The following CPEB4 variants were observed in gnomAD, a reference collection of about 807,000 sequenced individuals.
CPEB4 encodes the protein cytoplasmic polyadenylation element binding protein 4.
Under a neutral mutation model 72.5 loss-of-function variants are expected in CPEB4, and 12 were observed. The observed-to-expected ratio is 0.17, with a 90% CI of 0.11 to 0.27. The LOEUF is 0.27. CPEB4 is among the 10% of genes least tolerant of loss of function. The pLI, the probability that CPEB4 is intolerant of heterozygous loss-of-function variation, is 1.00. For missense variants in CPEB4, 614 were observed against 908.5 expected (o/e 0.68, Z 4.17); for synonymous variants, 302 against 326.3 (o/e 0.93, Z 0.80).
rs1755759659 is a variant in CPEB4, at chr5:173,890,276, A to G, written c.543A>G (p.Thr181=). Residue 181 remains threonine, a synonymous_variant, in exon 1 of 10, where the codon ACA becomes ACG. Coordinates refer to ENST00000265085, the MANE Select transcript of CPEB4 (RefSeq NM_030627.4). ...WSAAIAPSSS[T]IINEDASFFH... is the part of the protein sequence containing the mutation. ...CAGCGATAGCGCCTTCCTCCTCTAC[A>G]ATAATCAATGAAGATGCAAGTTTCT... 2 of 1,614,060 alleles carry G rather than the reference A, an allele frequency of 1.2e-6. No homozygotes were observed. The highest frequency in any genetic ancestry group is 2.2e-5 in the South Asian group (2 of 91,078).
chr5:173,925,498 A>T (rs1757212360), intron 2 of CPEB4, among the ~76,000 whole-genome samples: 2 of 152,344 alleles, frequency 1.3e-5, no homozygotes, highest in South Asian at 2.1e-4. Context: ...AATACACTAA[A>T]TTATTAAAAA....
chr5:173,953,288 C>T lies in CPEB4; in HGVS notation c.1962+16C>T, dbSNP rs188461025. The T allele has an allele frequency of 1.1e-4, 155 of 1,471,148 alleles. 1 individual carries two copies. The Admixed American group carries it at 3.3e-3, about 31-fold the overall frequency. The allele number at this position is 1,471,148 out of a possible 1,614,324, so 91.1% of individuals were successfully genotyped here. ...AGATAAACGGGTAAGCCTTATACTA[C>T]ATTTTGGAAAATTCTAGAAATGGTC... On this transcript the variant is annotated intron_variant, in intron 9 of 9. Transcript: ENST00000265085.
rs577130144 is a variant in CPEB4 at position 173,955,225 on chromosome 5, C to T, written c.1963-685C>T. 1.3e-5 allele frequency among the ~76,000 whole-genome samples: 2 copies of T among 152,148 alleles called. No individual in the cohort carries two copies. Among genetic ancestry groups the T allele is most frequent in the Non-Finnish European group, 2.9e-5 (2 of 68,020 alleles). On this transcript the variant is annotated intron_variant, in intron 9 of 9. Coordinates refer to ENST00000265085, the MANE Select transcript of CPEB4 (RefSeq NM_030627.4). The surrounding 1 kb of genome is among the most constrained non-coding windows in gnomAD (Gnocchi z 4.7). ...TCACATGACAGGTTGGCCGATAGAACGCTGGAACAGGCCCAGTTTTAGAAA... is the reference window on the plus strand; with the variant it reads ...TCACATGACAGGTTGGCCGATAGAATGCTGGAACAGGCCCAGTTTTAGAAA...
chr5:173,939,753 CTTT>C (rs11292869), intron 3 of CPEB4, among the ~76,000 whole-genome samples: 4 of 144,872 alleles, frequency 2.8e-5, no homozygotes, highest in African/African-American at 2.5e-5. Context: ...TATTTTGAGC[CTTT>C]TTTTTTTTTT....
rs373531422 is a variant in CPEB4, at chr5:173,891,146, T to A, written c.1125+288T>A. On this transcript the variant is annotated intron_variant, in intron 1 of 9. Transcript: ENST00000265085. ...ACTATAATACCTTTCTTGCCTGACA[T>A]GAGAATCAGGGTCAGTTTTTTCCCT... Among the ~76,000 whole-genome samples the A allele has an allele frequency of 5.2e-4, 79 of 150,694 alleles. 1 individual carries two copies. Among genetic ancestry groups the A allele is most frequent in the Middle Eastern group, 6.8e-3 (2 of 294 alleles).
chr5:173,904,464 C>T (rs1384695533), intron 1 of CPEB4, among the ~76,000 whole-genome samples: 1 of 152,146 alleles, frequency 6.6e-6, no homozygotes, highest in Non-Finnish European at 1.5e-5. Context: ...ATTTCTCTTT[C>T]TCTTCTTATG....
chr5:173,928,740 A>G (rs1757337231), intron 2 of CPEB4, among the ~76,000 whole-genome samples: 1 of 152,216 alleles, frequency 6.6e-6, no homozygotes, highest in Non-Finnish European at 1.5e-5. Flanking sequence ...TAGATAACCA[A>G]ATTCCCATGG....
At chr5:173,902,634 C>A (rs1410495981) in intron 1 of CPEB4, among the ~76,000 whole-genome samples, 1 of 152,118 alleles carries the variant, frequency 6.6e-6, no homozygotes, top group Non-Finnish European at 1.5e-5. Context: ...TGATGTAGAT[C>A]TCATTCTCTA....
Position 173,932,508 on chromosome 5 carries a change from A to T in CPEB4, c.1258+8A>T. On this transcript the variant is annotated splice_region_variant and intron_variant, in intron 3 of 9. Transcript: ENST00000265085. ...GCTCTCTGCTTATTAATGGTAAGTG[A>T]TAATTGATTTACCCTAGTGAAGTGC... 1 of 1,608,992 alleles carries T rather than the reference A, an allele frequency of 6.2e-7. No individual in the cohort carries two copies. Among genetic ancestry groups the T allele is most frequent in the Non-Finnish European group, 8.5e-7 (1 of 1,176,182 alleles).
chr5:173,893,533 A>G (rs1015659062), intron 1 of CPEB4, among the ~76,000 whole-genome samples: 10 of 152,150 alleles, frequency 6.6e-5, no homozygotes, highest in Non-Finnish European at 1.5e-4. Flanking sequence ...TTTAATTACT[A>G]TTAAAATAAT....
chr5:173,897,453 A>G (rs1438899341), intron 1 of CPEB4, among the ~76,000 whole-genome samples: 1 of 152,208 alleles, frequency 6.6e-6, no homozygotes, highest in Non-Finnish European at 1.5e-5. Flanking sequence ...TATTTAGCAC[A>G]CATTTATTGG....
Position 173,953,240 on chromosome 5 carries a change from G to A in CPEB4, c.1930G>A (p.Val644Ile). Residue 644 changes from valine (V) to isoleucine (I), a missense_variant, in exon 9 of 10, where the codon GTT (valine) becomes ATT (isoleucine). Coordinates refer to ENST00000265085, the MANE Select transcript of CPEB4 (RefSeq NM_030627.4). ...SYIAAISARF[V>I]QLQHGEIDKR... ...CATAGCTGCTATCAGTGCCCGCTTT[G>A]TTCAGCTGCAGCATGGAGAGATAGA... 1 of 1,608,648 alleles carries A rather than the reference G, an allele frequency of 6.2e-7. No homozygotes were observed.
At chr5:173,948,725 C>G (rs1187441630) in intron 5 of CPEB4, among the ~76,000 whole-genome samples, 4 of 152,072 alleles carry the variant, frequency 2.6e-5, no homozygotes, top group Admixed American at 2.6e-4. Context: ...CTGGGAATTC[C>G]AAGATCAAGG....
chr5:173,926,877 C>T (rs530985885), intron 2 of CPEB4, among the ~76,000 whole-genome samples: 3 of 152,198 alleles, frequency 2.0e-5, no homozygotes, highest in East Asian at 3.9e-4. Context: ...GGCTGGGCAC[C>T]GTGGCTCATG....
In CPEB4 at chr5:173,956,279, C is replaced by T. The variant is rs552152046; in HGVS notation, c.*142C>T. 25 of 631,282 alleles carry T rather than the reference C, an allele frequency of 4.0e-5. No homozygotes were observed. Among genetic ancestry groups the T allele is most frequent in the Admixed American group, 2.3e-4 (8 of 35,128 alleles). 39.1% of individuals were successfully genotyped at this position (631,282 alleles called of 1,614,324 possible). A position where few individuals can be genotyped will look rare whatever the true frequency, so the allele number is the denominator to read the frequency against. ...ACTATAGTATAATGAAAAGAATGAC[C>T]TATAATATAGGTGTTTTGTAGATTC... On this transcript the variant is annotated 3_prime_UTR_variant, in exon 10 of 10. Transcript: ENST00000265085.
Position 173,953,227 on chromosome 5 carries a change from C to G in CPEB4, c.1917C>G (p.Ile639Met). Residue 639 changes from isoleucine to methionine, a missense_variant, in exon 9 of 10, where the codon ATC (isoleucine) becomes ATG (methionine). Ile to Met is a conservative substitution (Grantham distance 10, BLOSUM62 1). Coordinates refer to ENST00000265085, the MANE Select transcript of CPEB4 (RefSeq NM_030627.4). ...ATCAACAGAGTTACATAGCTGCTAT[C>G]AGTGCCCGCTTTGTTCAGCTGCAGC... ...FSNQQSYIAA[I>M]SARFVQLQHG... is the part of the protein sequence containing the mutation. 1 of 1,612,120 alleles carries G rather than the reference C, an allele frequency of 6.2e-7. No individual in the cohort carries two copies. The highest frequency in any genetic ancestry group is 8.5e-7 in the Non-Finnish European group (1 of 1,178,842).
intron 1 of CPEB4, among the ~76,000 whole-genome samples, chr5:173,894,945 C>G (rs879473087): frequency 3.9e-5 from 6 of 152,126 alleles, no homozygotes; most frequent in Non-Finnish European, 8.8e-5. Flanking sequence ...ATTGAGTATA[C>G]TTGTTTATCA....
chr5:173,901,576 C>G (rs1010897049), intron 1 of CPEB4, among the ~76,000 whole-genome samples: 2 of 152,124 alleles, frequency 1.3e-5, no homozygotes, highest in Admixed American at 1.3e-4. Flanking sequence ...AAATTCTAGG[C>G]CCAAACAAAA....
intron 1 of CPEB4, chr5:173,892,940 T>G (rs1170211784): frequency 6.6e-6 from 1 of 152,010 alleles, no homozygotes; most frequent in Non-Finnish European, 1.5e-5. Context: ...CTTTCAAATA[T>G]GGTAAGATTC....
Sources: gnomAD v4.1 joint callset for allele counts (sites outside exome capture counted in the v4.1 genomes callset) on GRCh38, gnomAD v4.1.1 for gene constraint, Gnocchi (gnomAD v3.1) non-coding constraint, MANE v1.5 for transcripts, NCBI Gene and HGNC (gene_info 2026-07-23, HGNC 2026-07-21) for gene names.